The following PTPRK variants were observed in gnomAD, a reference collection of about 807,000 sequenced individuals.
PTPRK encodes protein tyrosine phosphatase receptor type K, also known as receptor-type tyrosine-protein phosphatase kappa.
Under a neutral mutation model 178.0 loss-of-function variants are expected in PTPRK, and 75 were observed. The ratio of observed to expected loss-of-function variants is 0.42; its 90% CI spans 0.35 to 0.51. The LOEUF (loss-of-function observed/expected upper bound fraction) is 0.51. Among genes scored for constraint, PTPRK ranks in the 20% least tolerant of loss-of-function variants. The pLI, the probability that PTPRK is intolerant of heterozygous loss-of-function variation, is 0.02. For missense variants in PTPRK, 1,441 were observed against 1,797.8 expected (o/e 0.80, Z 3.59); for synonymous variants, 637 against 620.6 (o/e 1.03, Z -0.39).
chr6:128,212,794 G>A (rs1808453979), intron 6 of PTPRK, among the ~76,000 whole-genome samples: 2 of 151,866 alleles, frequency 1.3e-5, no homozygotes, highest in Admixed American at 1.3e-4. Context: ...TTTAGGGAAA[G>A]AACTCTCATC....
At chr6:128,096,836 T>A (rs1428753310) in intron 7 of PTPRK, among the ~76,000 whole-genome samples, 2 of 152,028 alleles carry the variant, frequency 1.3e-5, no homozygotes, top group Non-Finnish European at 2.9e-5. Flanking sequence ...AAAAAAGAAT[T>A]GAGATGAAAT....
chr6:128,228,313 A>G (rs1811708155), intron 5 of PTPRK, among the ~76,000 whole-genome samples: 1 of 152,032 alleles, frequency 6.6e-6, no homozygotes, highest in Non-Finnish European at 1.5e-5. Context: ...AGAAGTCTCT[A>G]CAGGATCAAG....
At chr6:128,301,834 A>G (rs1291102093) in intron 3 of PTPRK, among the ~76,000 whole-genome samples, 1 of 152,192 alleles carries the variant, frequency 6.6e-6, no homozygotes, top group African/African-American at 2.4e-5. Flanking sequence ...GGAAGGCTAT[A>G]TTACTTTACT....
intron 6 of PTPRK, among the ~76,000 whole-genome samples, chr6:128,190,182 G>A (rs1245817017): frequency 6.6e-6 from 1 of 151,940 alleles, no homozygotes; most frequent in Non-Finnish European, 1.5e-5. Flanking sequence ...GATTTAATAA[G>A]GTTTCTCCTA....
intron 7 of PTPRK, among the ~76,000 whole-genome samples, chr6:128,103,268 C>G (rs986157599): frequency 6.6e-6 from 1 of 152,108 alleles, no homozygotes; most frequent in African/African-American, 2.4e-5. Flanking sequence ...CCATACATCC[C>G]GCTGAGAGCC....
chr6:128,333,675 A>C (rs536591894), intron 2 of PTPRK, among the ~76,000 whole-genome samples: 78 of 152,216 alleles, frequency 5.1e-4, no homozygotes, highest in Non-Finnish European at 8.4e-4. Context: ...TGGCTGGTTT[A>C]ATCTCCTATC....
intron 7 of PTPRK, among the ~76,000 whole-genome samples, chr6:128,122,969 C>A (rs571663462): frequency 6.6e-6 from 1 of 152,244 alleles, no homozygotes; most frequent in African/African-American, 2.4e-5. Context: ...GGTCCCGAAA[C>A]AGATGTCAAC....
intron 1 of PTPRK, among the ~76,000 whole-genome samples, chr6:128,517,917 A>G (rs911481086): frequency 2.6e-5 from 4 of 152,366 alleles, no homozygotes; most frequent in African/African-American, 9.6e-5. Context: ...TATAAGAAAA[A>G]CCAGCAATAT....
In PTPRK at chr6:128,005,259, A is replaced by G; in HGVS notation, c.2334-15T>C. ...TAGCAAGTTTGCTGCCAAGGCAAAT[A>G]CAAAAGGGCATCCTTAGTGTTTGAG... On this transcript the variant is annotated splice_polypyrimidine_tract_variant and intron_variant, in intron 14 of 29. Transcript: ENST00000368226. 6.2e-7 allele frequency: 1 copy of G among 1,610,444 alleles called. No individual in the cohort carries two copies. Among genetic ancestry groups the G allele is most frequent in the South Asian group, 1.1e-5 (1 of 90,898 alleles).
At chr6:128,425,608 C>T (rs1844038491) in intron 1 of PTPRK, among the ~76,000 whole-genome samples, 1 of 152,146 alleles carries the variant, frequency 6.6e-6, no homozygotes, top group African/African-American at 2.4e-5. Context: ...CACAACTATC[C>T]CAGGTTAGAC....
At chr6:128,431,330 C>G (rs1273476315) in intron 1 of PTPRK, among the ~76,000 whole-genome samples, 1 of 151,854 alleles carries the variant, frequency 6.6e-6, no homozygotes, top group African/African-American at 2.4e-5. Flanking sequence ...AAATATGCAG[C>G]CTTAAAACAC....
At chr6:128,240,951 A>C (rs150252370) in intron 4 of PTPRK, among the ~76,000 whole-genome samples, 8 of 152,340 alleles carry the variant, frequency 5.3e-5, no homozygotes, top group African/African-American at 1.9e-4. Context: ...AAGTTCATGG[A>C]GGGCCGTATC....
chr6:128,067,407 C>T, intron 12 of PTPRK, 112 bp downstream of exon 12: 1 of 1,244,038 alleles, frequency 8.0e-7, no homozygotes, highest in Non-Finnish European at 1.1e-6. Flanking sequence ...CCCCTACATG[C>T]AAATTTTCTT....
At chr6:128,242,751 ACT>A in intron 3 of PTPRK, 149 bp from the exon 4 acceptor site, 1 of 1,221,066 alleles carries the variant, frequency 8.2e-7, no homozygotes, top group Non-Finnish European at 1.1e-6. Flanking sequence ...TAATTTCCTA[ACT>A]CTTGTACAGG....
intron 1 of PTPRK, among the ~76,000 whole-genome samples, chr6:128,422,676 CAAAAAAAAAAAAAAAAAAA>C: frequency 6.8e-5 from 1 of 14,716 alleles, no homozygotes; most frequent in South Asian, 5.0e-3. Context: ...TTCACGGACG[CAAAAAAAAAAAAAAAAAAA>C]AAAAAAAAAC....
intron 2 of PTPRK, among the ~76,000 whole-genome samples, chr6:128,393,770 A>G (rs890053272): frequency 3.9e-5 from 6 of 152,164 alleles, no homozygotes; most frequent in Non-Finnish European, 7.3e-5. Flanking sequence ...TTTTGTTCTA[A>G]TCCATGACAT....
intron 7 of PTPRK, among the ~76,000 whole-genome samples, chr6:128,142,764 CCTT>C (rs1370619234): frequency 1.3e-5 from 2 of 151,876 alleles, no homozygotes; most frequent in East Asian, 1.9e-4. Context: ...GAGTGACTGT[CCTT>C]CTATTCATGC....
chr6:128,499,710 G>A (rs1855267618), intron 1 of PTPRK, among the ~76,000 whole-genome samples: 1 of 152,140 alleles, frequency 6.6e-6, no homozygotes, highest in South Asian at 2.1e-4. Context: ...TTTTTGCATT[G>A]TGACTCAGTA....
intron 15 of PTPRK, among the ~76,000 whole-genome samples, chr6:128,004,030 C>T (rs1436556487): frequency 1.3e-5 from 2 of 151,766 alleles, no homozygotes; most frequent in Non-Finnish European, 2.9e-5. Flanking sequence ...AAAAACTTCC[C>T]TCTTTACATA....
Sources: allele counts gnomAD v4.1 joint callset (sites outside exome capture counted in the v4.1 genomes callset), GRCh38; gene constraint gnomAD v4.1.1; transcripts MANE v1.5; gene names NCBI Gene and HGNC (gene_info 2026-07-23, HGNC 2026-07-21).